Variants in TRIP12 observed in about 807,000 individuals in gnomAD.
TRIP12 encodes E3 ubiquitin-protein ligase TRIP12.
A neutral mutation model predicts 244.2 loss-of-function variants in TRIP12; 25 were observed. The ratio of observed to expected loss-of-function variants is 0.10; its 90% CI spans 0.07 to 0.14. The LOEUF is 0.14. Among genes scored for constraint, TRIP12 ranks in the 10% least tolerant of loss-of-function variants. The pLI, the probability that TRIP12 is intolerant of heterozygous loss-of-function variation, is 1.00. For missense variants in TRIP12, 1,677 were observed against 2,486.4 expected, an observed-to-expected ratio of 0.67 and a Z score of 6.92; for synonymous variants, 905 against 873.1, an observed-to-expected ratio of 1.04 and a Z score of -0.64.
At chr2:229,863,586 C>T (rs1439733422) in intron 2 of TRIP12, among the ~76,000 whole-genome samples, 5 of 152,164 alleles carry the variant, frequency 3.3e-5, no homozygotes. Flanking sequence ...TCAACCCTGG[C>T]TAACAAGGAA....
chr2:229,849,136 T>G (rs955471135), intron 4 of TRIP12, among the ~76,000 whole-genome samples: 4 of 152,058 alleles, frequency 2.6e-5, no homozygotes, highest in African/African-American at 9.7e-5. Context: ...GCAGACAGCT[T>G]GAGAAAAGAT....
In TRIP12 at chr2:229,766,160, A is replaced by C. The variant is rs2031659087; in HGVS notation, c.*1394T>G. The C allele has an allele frequency of 6.6e-6, 1 of 152,136 alleles. No individual in the cohort carries two copies. The highest frequency in any genetic ancestry group is 1.5e-5 in the Non-Finnish European group (1 of 68,026). The allele number at this position is 152,136 out of a possible 1,614,324, so 9.4% of individuals were successfully genotyped here. ...ATTTTCAAGGAGATGAATTATGGAA[A>C]ATTCCTTCAAATTTATGCCACAGGC... On this transcript the variant is annotated 3_prime_UTR_variant, in exon 42 of 42. Transcript: ENST00000675903.
intron 34 of TRIP12, among the ~76,000 whole-genome samples, chr2:229,783,432 G>C (rs1209821422): frequency 2.0e-5 from 3 of 152,144 alleles, no homozygotes; most frequent in African/African-American, 4.8e-5. Context: ...TTATTAACAA[G>C]TTTTAAGTTT....
rs1359892349 is a variant in TRIP12 at position 229,766,195 on chromosome 2, G to A, written c.*1359C>T. On this transcript the variant is annotated 3_prime_UTR_variant, in exon 42 of 42. Coordinates refer to ENST00000675903, the MANE Select transcript of TRIP12 (RefSeq NM_001348323.3). ...AATTTATGCCACAGGCCTAGTTTTGGACCTTAGGAAGGAATCTCCTCCCAT... is the reference window on the plus strand; with the variant it reads ...AATTTATGCCACAGGCCTAGTTTTGAACCTTAGGAAGGAATCTCCTCCCAT... The A allele has an allele frequency of 6.6e-6, 1 of 151,622 alleles. No individual in the cohort carries two copies. The highest frequency in any genetic ancestry group is 1.5e-5 in the Non-Finnish European group (1 of 67,950). The allele number at this position is 151,622 out of a possible 1,614,324, so 9.4% of individuals were successfully genotyped here.
Position 229,919,393 on chromosome 2 carries a change from C to T in TRIP12, c.-50+2487G>A, listed in dbSNP as rs151201412. Among the ~76,000 whole-genome samples, 508 of 150,394 alleles carry T rather than the reference C, an allele frequency of 3.4e-3. 4 individuals carry two copies. Among genetic ancestry groups the T allele is most frequent in the African/African-American group, 0.012 (472 of 40,990 alleles). The stretch of plus-strand genomic sequence containing the variant: ...CTGCACCACTGCACTCCAGCCTAGG[C>T]GACAGAGCAAGATTCTGCTTTAAAA... On this transcript the variant is annotated intron_variant, in intron 1 of 41. Coordinates refer to ENST00000675903, the MANE Select transcript of TRIP12 (RefSeq NM_001348323.3).
chr2:229,823,059 CAG>C (rs1160624806), intron 8 of TRIP12, among the ~76,000 whole-genome samples: 2 of 151,998 alleles, frequency 1.3e-5, no homozygotes, highest in Non-Finnish European at 2.9e-5. Context: ...AAAACAGAGC[CAG>C]AGAGACATGC....
chr2:229,792,977 A>G lies in TRIP12; in HGVS notation c.4137T>C (p.Val1379=), dbSNP rs140527604. Residue 1379 remains valine, a synonymous_variant, in exon 27 of 42, where the codon GTT becomes GTC. Coordinates refer to ENST00000675903, the MANE Select transcript of TRIP12 (RefSeq NM_001348323.3). ...AAACAAATATATGGAAAGTACCTCT[A>G]ACTACAAGGTATCTCTCGATGGCTT... ...LVQAIERYLV[V]RGYGRVREDD... is the part of the protein sequence containing the mutation. The G allele has an allele frequency of 8.4e-5, 136 of 1,610,938 alleles. No individual in the cohort carries two copies. The Middle Eastern group carries it at 1.2e-3, about 14-fold the overall frequency.
intron 1 of TRIP12, among the ~76,000 whole-genome samples, chr2:229,913,957 T>C (rs747568166): frequency 2.0e-5 from 3 of 151,954 alleles, no homozygotes; most frequent in Admixed American, 6.6e-5. Context: ...GAAAGTTAAG[T>C]GTAAGTATAT....
At chr2:229,897,834 CT>C (rs990009834) in intron 1 of TRIP12, among the ~76,000 whole-genome samples, 4 of 152,106 alleles carry the variant, frequency 2.6e-5, no homozygotes, top group African/African-American at 7.2e-5. Context: ...TCTCTCCCCC[CT>C]ATGTTCCCAC....
At chr2:229,882,426 C>T (rs979605237) in intron 1 of TRIP12, among the ~76,000 whole-genome samples, 1 of 152,096 alleles carries the variant, frequency 6.6e-6, no homozygotes, top group African/African-American at 2.4e-5. Flanking sequence ...AATATGAATG[C>T]CTGTCCCCTA....
chr2:229,815,867 C>T (rs1361299544), intron 9 of TRIP12, among the ~76,000 whole-genome samples: 2 of 151,998 alleles, frequency 1.3e-5, no homozygotes, highest in East Asian at 1.9e-4. Context: ...TAATTAAAGC[C>T]AAATTAATAT....
At chr2:229,877,475 G>A (rs2063817675) in intron 2 of TRIP12, among the ~76,000 whole-genome samples, 1 of 152,210 alleles carries the variant, frequency 6.6e-6, no homozygotes, top group Admixed American at 6.5e-5. Context: ...AGAGGCTGCA[G>A]TGAGCAGAGA....
In TRIP12 at chr2:229,814,260, C is replaced by T; in HGVS notation, c.1797G>A (p.Arg599=). ...QALTALEMLS[R]RHSKAILQAG... is the part of the protein sequence containing the mutation. ...CCTGTAGAATGGCTTTACTATGTCT[C>T]CGTGACAACATCTCCAAGGCAGTCA... The change falls in exon 12 of 42, where the codon CGG becomes CGA. Residue 599 remains arginine, a synonymous_variant. Transcript: ENST00000675903. The T allele has an allele frequency of 1.2e-6, 2 of 1,614,176 alleles. No individual in the cohort carries two copies. Among genetic ancestry groups the T allele is most frequent in the Non-Finnish European group, 1.7e-6 (2 of 1,180,010 alleles).
intron 31 of TRIP12, 148 bp downstream of exon 31, chr2:229,789,463 G>T (rs888852510): frequency 7.7e-6 from 6 of 774,900 alleles, no homozygotes; most frequent in Non-Finnish European, 1.1e-5. Flanking sequence ...AAAAAAAAGT[G>T]GGGGAGAAGT....
At chr2:229,775,885 G>C (rs1337259814) in intron 37 of TRIP12, among the ~76,000 whole-genome samples, 1 of 151,906 alleles carries the variant, frequency 6.6e-6, no homozygotes, top group East Asian at 2.0e-4. Flanking sequence ...AATTTCTGGA[G>C]TGTGGATTCT....
chr2:229,827,082 C>T (rs773624485), intron 8 of TRIP12, among the ~76,000 whole-genome samples: 33 of 152,054 alleles, frequency 2.2e-4, no homozygotes, highest in Admixed American at 5.9e-4. Flanking sequence ...AGATCGAGAA[C>T]ATCCTAGCTA....
At chr2:229,827,526 G>GA (rs1464870786) in intron 8 of TRIP12, among the ~76,000 whole-genome samples, 1 of 151,594 alleles carries the variant, frequency 6.6e-6, no homozygotes, top group Non-Finnish European at 1.5e-5. Flanking sequence ...ACACAAACAC[G>GA]AACATTAACC....
intron 8 of TRIP12, among the ~76,000 whole-genome samples, chr2:229,825,203 T>C (rs1324793412): frequency 6.6e-6 from 1 of 152,170 alleles, no homozygotes; most frequent in Non-Finnish European, 1.5e-5. Flanking sequence ...TATTGGGAAT[T>C]AGGACACTCA....
At chr2:229,783,122 G>C (rs1433873206) in intron 34 of TRIP12, among the ~76,000 whole-genome samples, 2 of 152,286 alleles carry the variant, frequency 1.3e-5, no homozygotes, top group Middle Eastern at 3.4e-3. Context: ...CAGCCCCAGG[G>C]TCTGTTTTTG....
Sources: gnomAD v4.1 joint callset for allele counts (sites outside exome capture counted in the v4.1 genomes callset) on GRCh38, gnomAD v4.1.1 for gene constraint, MANE v1.5 for transcripts, NCBI Gene and HGNC (gene_info 2026-07-23, HGNC 2026-07-21) for gene names.